The following ZNF487 variants were observed in gnomAD, a reference collection of about 807,000 sequenced individuals.
ZNF487 encodes the protein zinc finger protein 487, also known as KRAB domain only 1.
Under a neutral mutation model 3.0 loss-of-function variants are expected in ZNF487, and 4 were observed. That is an observed-to-expected ratio of 1.35 (90% CI 0.66 to 3.08). ZNF487 has a LOEUF of 3.08. ZNF487 is among the 30% of genes most tolerant of loss of function. ZNF487 has a pLI of 0.01. For synonymous variants in ZNF487, 55 were observed against 34.6 expected (o/e 1.59, Z -2.06); for missense variants, 146 against 98.7 (o/e 1.48, Z -2.03).
chr10:43,502,575 G>A, the ZNF487 span, among the ~76,000 whole-genome samples: 2 of 152,126 alleles, frequency 1.3e-5, no homozygotes, highest in African/African-American at 4.8e-5. Context: ...GTTTGTGCTG[G>A]TGCTGTTCTA....
At chr10:43,483,238 T>C, downstream of ZNF487, 1 of 379,468 alleles carries the variant, frequency 2.6e-6, no homozygotes. Flanking sequence ...TTTCTTTTCT[T>C]TTCTTGTTGT....
chr10:43,485,885 AT>A (rs372519924), downstream of ZNF487, among the ~76,000 whole-genome samples: 28 of 151,846 alleles, frequency 1.8e-4, no homozygotes, highest in African/African-American at 4.6e-4. Flanking sequence ...TCAGTAAATC[AT>A]TTTTTTTCCC....
chr10:43,510,543 CCTTT>C, the ZNF487 span, among the ~76,000 whole-genome samples: 3 of 152,038 alleles, frequency 2.0e-5, no homozygotes, highest in Non-Finnish European at 4.4e-5. Flanking sequence ...ACTGTAACTC[CCTTT>C]TTTTTGTTTG....
At chr10:43,445,075 C>A (rs772075907) in intron 1 of ZNF487, among the ~76,000 whole-genome samples, 3 of 151,398 alleles carry the variant, frequency 2.0e-5, no homozygotes, top group Non-Finnish European at 2.9e-5. Flanking sequence ...GTTCAGTAAT[C>A]TTTTCTTCTG....
chr10:43,477,631 A>G (rs1841149527), intron 3 of ZNF487, among the ~76,000 whole-genome samples: 2 of 149,836 alleles, frequency 1.3e-5, no homozygotes, highest in Non-Finnish European at 3.0e-5. Flanking sequence ...AAAGAAAAAA[A>G]TTAAATGTGT....
chr10:43,442,043 C>A (rs1182667103), intron 1 of ZNF487, among the ~76,000 whole-genome samples: 1 of 152,046 alleles, frequency 6.6e-6, no homozygotes, highest in African/African-American at 2.4e-5. Context: ...GCCAATGTAG[C>A]TAACCCTGTC....
the ZNF487 span, among the ~76,000 whole-genome samples, chr10:43,514,064 G>A: frequency 0.65 from 99,032 of 151,994 alleles, 34,056 homozygotes; most frequent in Non-Finnish European, 0.77. Context: ...TCATTCAAGG[G>A]GTTCTGGATC....
At chr10:43,499,413 G>A in the ZNF487 span, among the ~76,000 whole-genome samples, 1 of 151,796 alleles carries the variant, frequency 6.6e-6, no homozygotes, top group South Asian at 2.1e-4. Context: ...GGTTTTTTTT[G>A]TTATTTTATT....
Position 43,482,535 on chromosome 10 carries a change from A to C in ZNF487, c.*613A>C, listed in dbSNP as rs1336846556. 2.0e-6 allele frequency: 1 copy of C among 498,428 alleles called. No homozygotes were observed. Among genetic ancestry groups the C allele is most frequent in the Non-Finnish European group, 4.1e-6 (1 of 244,148 alleles). The allele number at this position is 498,428 out of a possible 1,614,324, so 30.9% of individuals were successfully genotyped here. On this transcript the variant is annotated 3_prime_UTR_variant, in exon 4 of 4. Coordinates refer to ENST00000437590, the MANE Select transcript of ZNF487 (RefSeq NM_001355444.3). ...TGGAAAAAACTTCTGTGAGAAGTCAAATCTTCATGTACATCAGAGAACACA... is the reference window on the plus strand; with the variant it reads ...TGGAAAAAACTTCTGTGAGAAGTCACATCTTCATGTACATCAGAGAACACA...
chr10:43,480,084 C>CTTTCTTTTCTTTTCT lies in ZNF487; in HGVS notation c.131-1332_131-1318dup, dbSNP rs375980543. 4.1e-3 allele frequency among the ~76,000 whole-genome samples: 576 copies of CTTTCTTTTCTTTTCT among 139,824 alleles called. 5 individuals are homozygous for CTTTCTTTTCTTTTCT. The highest frequency in any genetic ancestry group is 0.011 in the African/African-American group (396 of 36,444). The allele number at this position is 139,824 out of a possible 152,430, so 91.7% of individuals were successfully genotyped here. A position where few individuals can be genotyped will look rare whatever the true frequency, so the allele number is the denominator to read the frequency against. Reference sequence around the variant, plus strand: ...TCCTTGCTTCCTTCCTTCCTTCCTTCTTTCTTTTCTTTTCTTTTCTTTTCT... The same window carrying CTTTCTTTTCTTTTCT: ...TCCTTGCTTCCTTCCTTCCTTCCTTCTTTCTTTTCTTTTCTTTTCTTTTCTTTTCTTTTCTTTTCT... On this transcript the variant is annotated intron_variant, in intron 3 of 3. Coordinates refer to ENST00000437590, the MANE Select transcript of ZNF487 (RefSeq NM_001355444.3).
At chr10:43,439,718 A>T (rs1839515244) in intron 1 of ZNF487, among the ~76,000 whole-genome samples, 1 of 152,114 alleles carries the variant, frequency 6.6e-6, no homozygotes, top group Non-Finnish European at 1.5e-5. Context: ...ATAAATAAAT[A>T]AGTGAAAATA....
At chr10:43,475,190 C>G (rs1294599391) in intron 1 of ZNF487, among the ~76,000 whole-genome samples, 2 of 152,188 alleles carry the variant, frequency 1.3e-5, no homozygotes, top group Non-Finnish European at 2.9e-5. Flanking sequence ...CCTCCTGCGT[C>G]TATCACTAGC....
At chr10:43,466,660 C>T (rs1840718561) in intron 1 of ZNF487, among the ~76,000 whole-genome samples, 1 of 152,132 alleles carries the variant, frequency 6.6e-6, no homozygotes, top group Non-Finnish European at 1.5e-5. Flanking sequence ...CTCGGCATCC[C>T]ATAGTGCTGG....
At chr10:43,437,026 C>T (rs1316271419), upstream of ZNF487, 3 of 366,112 alleles carry the variant, frequency 8.2e-6, no homozygotes, top group East Asian at 2.3e-4. Flanking sequence ...CACGCGGGAG[C>T]AGCAAGGCTT....
the ZNF487 span, among the ~76,000 whole-genome samples, chr10:43,496,507 A>G: frequency 8.5e-5 from 13 of 152,230 alleles, no homozygotes; most frequent in African/African-American, 2.9e-4. Flanking sequence ...TTAGAGGAAG[A>G]GTCCTCAAGC....
chr10:43,489,883 A>G, the ZNF487 span, among the ~76,000 whole-genome samples: 1 of 152,228 alleles, frequency 6.6e-6, no homozygotes, highest in African/African-American at 2.4e-5. Context: ...GAAGAAAAAT[A>G]GAAACAAATA....
chr10:43,520,408 T>C, the ZNF487 span, among the ~76,000 whole-genome samples: 1 of 152,216 alleles, frequency 6.6e-6, no homozygotes, highest in Non-Finnish European at 1.5e-5. Context: ...GGGTGTAAAT[T>C]GGCAAGAAGT....
chr10:43,450,946 TTTA>T lies in ZNF487; in HGVS notation c.-94+13696_-94+13698del, dbSNP rs1236488297. Among the ~76,000 whole-genome samples the T allele has an allele frequency of 5.9e-5, 9 of 152,030 alleles. No individual in the cohort carries two copies. The East Asian group carries it at 7.7e-4, about 13-fold the overall frequency. On this transcript the variant is annotated intron_variant, in intron 1 of 3. Coordinates refer to ENST00000437590, the MANE Select transcript of ZNF487 (RefSeq NM_001355444.3). ...GAGTTTGCACCATTATTATTATTTT[TTTA>T]TTATTATTATTTTTTGAGATGGAGT... is the stretch of plus-strand genomic sequence containing the variant.
the ZNF487 span, chr10:43,523,709 G>A: frequency 6.6e-6 from 1 of 152,512 alleles, no homozygotes; most frequent in East Asian, 2.0e-4. Flanking sequence ...ATAAGAGAGT[G>A]TGCTTCTGGG....
Sources: allele counts gnomAD v4.1 joint callset (sites outside exome capture counted in the v4.1 genomes callset), GRCh38; gene constraint gnomAD v4.1.1; transcripts MANE v1.5; gene names NCBI Gene and HGNC (gene_info 2026-07-23, HGNC 2026-07-21).